Variants in PRKAR1A observed in about 807,000 individuals in gnomAD.
PRKAR1A encodes protein kinase cAMP-dependent type I regulatory subunit alpha.
PRKAR1A carries 3 observed loss-of-function variants against 52.0 expected under a neutral mutation model. The ratio of observed to expected loss-of-function variants is 0.06; its 90% CI spans 0.03 to 0.15. The LOEUF (loss-of-function observed/expected upper bound fraction) is 0.15. PRKAR1A is among the 10% of genes least tolerant of loss of function. PRKAR1A has a pLI of 1.00. For missense variants in PRKAR1A, 240 were observed against 477.4 expected (o/e 0.50, Z 4.63); for synonymous variants, 188 against 168.4 (o/e 1.12, Z -0.90).
intron 11 of PRKAR1A, chr17:68,542,793 G>A (rs570338353): frequency 5.6e-6 from 9 of 1,613,764 alleles, no homozygotes; most frequent in Middle Eastern, 1.6e-4. Flanking sequence ...GGCGGCACCC[G>A]TCGGAAGTCC....
chr17:68,505,570 T>C, the PRKAR1A span, among the ~76,000 whole-genome samples: 1 of 152,218 alleles, frequency 6.6e-6, no homozygotes, highest in African/African-American at 2.4e-5. Flanking sequence ...CCTAGCACTT[T>C]GGGAGGCCCA....
the PRKAR1A span, among the ~76,000 whole-genome samples, chr17:68,495,973 T>TCTCCCCTCTCCTCTC: frequency 1.5e-4 from 3 of 19,364 alleles, 1 homozygote; most frequent in South Asian, 2.5e-3. Flanking sequence ...TCTCCTCTCC[T>TCTCCCCTCTCCTCTC]CTCTCCTCTC....
chr17:68,442,015 G>A, the PRKAR1A span, among the ~76,000 whole-genome samples: 1 of 152,112 alleles, frequency 6.6e-6, no homozygotes, highest in Admixed American at 6.5e-5. Context: ...AGATAAAATC[G>A]ATTCCCTTTA....
chr17:68,493,850 C>T, the PRKAR1A span, among the ~76,000 whole-genome samples: 2 of 152,092 alleles, frequency 1.3e-5, no homozygotes, highest in African/African-American at 2.4e-5. Context: ...CCTTGGCCTC[C>T]CAAAGTGCTG....
chr17:68,538,469 A>G (rs1568716630), intron 11 of PRKAR1A, among the ~76,000 whole-genome samples: 1 of 152,238 alleles, frequency 6.6e-6, no homozygotes, highest in Non-Finnish European at 1.5e-5. Flanking sequence ...TGAATATCAT[A>G]TTTATAATTA....
chr17:68,489,272 ATATATATATATATATATGGAAAG>A, the PRKAR1A span, among the ~76,000 whole-genome samples: 26 of 16,936 alleles, frequency 1.5e-3, 1 homozygote, highest in Non-Finnish European at 2.1e-3. Flanking sequence ...GAAAGTATAT[ATATATATATATATATATGGAAAG>A]TATATATATA....
chr17:68,462,281 C>T, the PRKAR1A span, among the ~76,000 whole-genome samples: 5 of 152,060 alleles, frequency 3.3e-5, no homozygotes, highest in Admixed American at 6.6e-5. Context: ...CTGATGATCA[C>T]GAAGACAGTT....
chr17:68,466,171 T>C, the PRKAR1A span, among the ~76,000 whole-genome samples: 1 of 152,086 alleles, frequency 6.6e-6, no homozygotes. Flanking sequence ...AACATACAGC[T>C]CCCTCCAAAG....
the PRKAR1A span, among the ~76,000 whole-genome samples, chr17:68,504,612 C>T: frequency 6.6e-6 from 1 of 152,148 alleles, no homozygotes; most frequent in Admixed American, 6.5e-5. Context: ...CATATTCTCA[C>T]TTATTTGTGG....
chr17:68,437,024 G>A, the PRKAR1A span, among the ~76,000 whole-genome samples: 5 of 142,798 alleles, frequency 3.5e-5, no homozygotes, highest in African/African-American at 1.3e-4. Context: ...ATATGTGTGT[G>A]TGTGTGTGTG....
the PRKAR1A span, among the ~76,000 whole-genome samples, chr17:68,437,205 G>C: frequency 6.6e-6 from 1 of 152,042 alleles, no homozygotes; most frequent in Non-Finnish European, 1.5e-5. Context: ...ATTATATACT[G>C]TTGGCCAGTA....
rs1470545069 is a variant in PRKAR1A, at chr17:68,522,822, A to T, written c.244A>T (p.Ile82Phe). 1.1e-5 allele frequency: 18 copies of T among 1,613,996 alleles called. No individual in the cohort carries two copies. The highest frequency in any genetic ancestry group is 1.5e-5 in the Non-Finnish European group (18 of 1,179,926). ...TCGTACAGACTCAAGGGAGGATGAG[A>T]TTTCTCCTCCTCCACCCAACCCAGT... ...GTRTDSREDE[I>F]SPPPPNPVVK... is the part of the protein sequence containing the mutation. The change falls in exon 3 of 11, where the codon ATT becomes TTT. Residue 82 changes from isoleucine to phenylalanine, a missense_variant. Transcript: ENST00000589228.
At chr17:68,437,928 C>T in the PRKAR1A span, among the ~76,000 whole-genome samples, 10 of 109,542 alleles carry the variant, frequency 9.1e-5, no homozygotes, top group African/African-American at 2.8e-4. Flanking sequence ...TTTGAGATCA[C>T]GCAAGAGAGA....
chr17:68,531,296 A>T lies in PRKAR1A; in HGVS notation c.*847A>T. ...TTGAGAATAAGAATTTGAGGTCTAC[A>T]TTCTTGGTTGTTAATTTAGAGCGTT... On this transcript the variant is annotated 3_prime_UTR_variant, in exon 11 of 11. Coordinates refer to ENST00000589228, the MANE Select transcript of PRKAR1A (RefSeq NM_002734.5). The T allele has an allele frequency of 2.1e-5, 22 of 1,066,208 alleles. No individual in the cohort carries two copies. The highest frequency in any genetic ancestry group is 2.5e-5 in the Non-Finnish European group (22 of 879,562). 66.0% of individuals were successfully genotyped at this position (1,066,208 alleles called of 1,614,324 possible). A position where few individuals can be genotyped will look rare whatever the true frequency, so the allele number is the denominator to read the frequency against.
At chr17:68,444,443 G>A in the PRKAR1A span, 1 of 1,524,768 alleles carries the variant, frequency 6.6e-7, no homozygotes, top group Non-Finnish European at 9.0e-7. Context: ...TGGGAAAGAA[G>A]CACCAGGACA....
chr17:68,523,043 G>A (rs1394666595), intron 3 of PRKAR1A, 117 bp downstream of exon 3: 1 of 1,279,674 alleles, frequency 7.8e-7, no homozygotes, highest in Non-Finnish European at 1.1e-6. Context: ...CATCCATCCT[G>A]TACAATTCTT....
At position 68,532,334 on chromosome 17, in the gene PRKAR1A, C is replaced by A; in HGVS notation, c.*1885C>A. The A allele has an allele frequency of 4.7e-6, 5 of 1,054,158 alleles. No homozygotes were observed. The highest frequency in any genetic ancestry group is 5.8e-6 in the Non-Finnish European group (5 of 869,008). 65.3% of individuals were successfully genotyped at this position (1,054,158 alleles called of 1,614,324 possible). On this transcript the variant is annotated 3_prime_UTR_variant, in exon 11 of 11. Transcript: ENST00000589228. The stretch of plus-strand genomic sequence containing the variant: ...TTGCAGTTTCATGTATGTATATAAT[C>A]ATGCTCATGTATATTTAGTTACGTA...
chr17:68,519,700 C>CT (rs2085544134), intron 2 of PRKAR1A, among the ~76,000 whole-genome samples: 1 of 136,396 alleles, frequency 7.3e-6, no homozygotes, highest in Non-Finnish European at 1.6e-5. Context: ...GACAGTTGGT[C>CT]TTTTGAAAGC....
chr17:68,505,613 G>GAC, the PRKAR1A span, among the ~76,000 whole-genome samples: 1 of 152,132 alleles, frequency 6.6e-6, no homozygotes, highest in Admixed American at 6.5e-5. Context: ...AGGAGTTTGA[G>GAC]ACCAGCCTGG....
Sources: gnomAD v4.1 joint callset for allele counts (sites outside exome capture counted in the v4.1 genomes callset) on GRCh38, gnomAD v4.1.1 for gene constraint, MANE v1.5 for transcripts, NCBI Gene and HGNC (gene_info 2026-07-23, HGNC 2026-07-21) for gene names.